GPC5: variants seen among roughly 807,000 people sequenced by gnomAD.
GPC5 encodes glypican-5.
In GPC5, 47 loss-of-function variants were observed where a neutral mutation model predicts 53.9. The observed-to-expected ratio is 0.87, with a 90% CI of 0.69 to 1.11. GPC5 has a LOEUF of 1.11. Among genes scored for constraint, GPC5 ranks in the 50% most tolerant of loss-of-function variants. The pLI is 0.00. For missense variants in GPC5, 748 were observed against 713.1 expected, an observed-to-expected ratio of 1.05 and a Z score of -0.56; for synonymous variants, 286 against 263.3, an observed-to-expected ratio of 1.09 and a Z score of -0.84.
At chr13:91,865,932 A>G (rs928504026) in intron 5 of GPC5, among the ~76,000 whole-genome samples, 4 of 152,180 alleles carry the variant, frequency 2.6e-5, no homozygotes, top group Non-Finnish European at 5.9e-5. Context: ...CAATAGCACG[A>G]TCTCTGCTCG....
At chr13:92,431,961 A>T (rs1010866532) in intron 7 of GPC5, among the ~76,000 whole-genome samples, 11 of 152,348 alleles carry the variant, frequency 7.2e-5, no homozygotes, top group South Asian at 2.1e-4. Context: ...TCAAGGATAC[A>T]TACTTGGTGC....
intron 7 of GPC5, among the ~76,000 whole-genome samples, chr13:92,775,462 T>A (rs1342216230): frequency 6.6e-6 from 1 of 152,154 alleles, no homozygotes; most frequent in Admixed American, 6.6e-5. Context: ...CCTTGTCTGT[T>A]TTTTCCTAAA....
intron 7 of GPC5, among the ~76,000 whole-genome samples, chr13:92,315,437 C>T (rs1197964528): frequency 6.6e-6 from 1 of 152,196 alleles, no homozygotes; most frequent in Admixed American, 6.5e-5. Flanking sequence ...AGAAAACATT[C>T]TGACTCATAC....
intron 3 of GPC5, among the ~76,000 whole-genome samples, chr13:91,718,496 T>C (rs2036394804): frequency 6.6e-6 from 1 of 152,166 alleles, no homozygotes; most frequent in Non-Finnish European, 1.5e-5. Context: ...GATATTGTAG[T>C]AGCTGGCTTT....
chr13:92,711,528 C>CT, intron 7 of GPC5, among the ~76,000 whole-genome samples: 1 of 152,160 alleles, frequency 6.6e-6, no homozygotes, highest in African/African-American at 2.4e-5. Flanking sequence ...CTCTGTCTCA[C>CT]TAATCGATAG....
At position 92,316,473 on chromosome 13, in the gene GPC5, C is replaced by A. The variant is rs144477230; in HGVS notation, c.1561+171484C>A. ...GGCTTTCAGTATAATTACTTTTTTG[C>A]CATGAAATGATAGCTGCTTAAGTAT... On this transcript the variant is annotated intron_variant, in intron 7 of 7. Transcript: ENST00000377067. Among the ~76,000 whole-genome samples, 7 of 151,974 alleles carry A rather than the reference C, an allele frequency of 4.6e-5. No individual in the cohort carries two copies. In the East Asian group the frequency reaches 1.4e-3, roughly 29 times the overall value.
At chr13:91,861,699 T>C (rs534649941) in intron 5 of GPC5, among the ~76,000 whole-genome samples, 34 of 98,094 alleles carry the variant, frequency 3.5e-4, no homozygotes, top group Non-Finnish European at 7.3e-4. Context: ...ATTTAGTTCA[T>C]AAATATGTTA....
chr13:91,642,223 T>C (rs144112752), intron 2 of GPC5, among the ~76,000 whole-genome samples: 44 of 152,360 alleles, frequency 2.9e-4, no homozygotes, highest in African/African-American at 9.6e-4. Flanking sequence ...CTCTTAAATA[T>C]ACATTTTCTT....
chr13:92,292,784 T>C (rs2043007067), intron 7 of GPC5, among the ~76,000 whole-genome samples: 2 of 152,204 alleles, frequency 1.3e-5, no homozygotes, highest in Admixed American at 6.5e-5. Flanking sequence ...TATTCTAGAA[T>C]TTTTATAGTT....
chr13:92,795,214 C>T (rs1876624217), intron 7 of GPC5, among the ~76,000 whole-genome samples: 1 of 152,036 alleles, frequency 6.6e-6, no homozygotes, highest in Non-Finnish European at 1.5e-5. Context: ...AGGACAGAGG[C>T]CGCATAAATA....
Position 91,993,570 on chromosome 13 carries a change from A to T in GPC5, c.1401+85513A>T, listed in dbSNP as rs541396873. On this transcript the variant is annotated intron_variant, in intron 6 of 7. Transcript: ENST00000377067. ...GTTTTGTCAGATCAATTGTCATGTA[A>T]TTCTGGTAAGTTCCAGGTTGAATGT... Among the ~76,000 whole-genome samples, 3 of 152,316 alleles carry T rather than the reference A, an allele frequency of 2.0e-5. No individual in the cohort carries two copies. In the South Asian group the frequency reaches 6.2e-4, roughly 32 times the overall value.
At chr13:92,641,026 G>T (rs1885579165) in intron 7 of GPC5, among the ~76,000 whole-genome samples, 1 of 152,096 alleles carries the variant, frequency 6.6e-6, no homozygotes. Context: ...AACCATGGTG[G>T]TAAAGAATAA....
intron 7 of GPC5, among the ~76,000 whole-genome samples, chr13:92,145,598 G>T (rs1450565576): frequency 6.6e-6 from 1 of 151,926 alleles, no homozygotes; most frequent in Non-Finnish European, 1.5e-5. Flanking sequence ...TTACCAAATA[G>T]ATTTCCCTTC....
At chr13:92,408,465 T>C (rs1675839657) in intron 7 of GPC5, among the ~76,000 whole-genome samples, 1 of 152,146 alleles carries the variant, frequency 6.6e-6, no homozygotes, top group Admixed American at 6.6e-5. Context: ...CATGAGAAGT[T>C]TATTAGCATT....
intron 7 of GPC5, among the ~76,000 whole-genome samples, chr13:92,213,723 A>C (rs2042391196): frequency 6.6e-6 from 1 of 152,194 alleles, no homozygotes; most frequent in African/African-American, 2.4e-5. Context: ...TGGTCTTGAG[A>C]ATAAAAAAGC....
At chr13:91,825,469 T>C (rs1022212032) in intron 5 of GPC5, among the ~76,000 whole-genome samples, 7 of 152,154 alleles carry the variant, frequency 4.6e-5, no homozygotes, top group African/African-American at 1.7e-4. Flanking sequence ...ATTTGAATCA[T>C]AATGCCTTAT....
intron 2 of GPC5, among the ~76,000 whole-genome samples, chr13:91,463,414 A>T (rs1174416122): frequency 6.6e-6 from 1 of 152,152 alleles, no homozygotes; most frequent in African/African-American, 2.4e-5. Flanking sequence ...GACTATAAAG[A>T]TACACGTCCA....
intron 7 of GPC5, among the ~76,000 whole-genome samples, chr13:92,323,955 C>T (rs1344474788): frequency 6.6e-6 from 1 of 151,800 alleles, no homozygotes; most frequent in Non-Finnish European, 1.5e-5. Context: ...TGGTTTTTAA[C>T]AGTGTTCTTT....
intron 6 of GPC5, among the ~76,000 whole-genome samples, chr13:92,081,747 A>G (rs1450777809): frequency 6.6e-6 from 1 of 152,214 alleles, no homozygotes; most frequent in Admixed American, 6.5e-5. Context: ...GACACATATA[A>G]GAAAGTATAT....
Sources: allele counts gnomAD v4.1 joint callset (sites outside exome capture counted in the v4.1 genomes callset), GRCh38; gene constraint gnomAD v4.1.1; transcripts MANE v1.5; gene names NCBI Gene and HGNC (gene_info 2026-07-23, HGNC 2026-07-21).